Variants in SCFD2 observed in about 807,000 individuals in gnomAD.
SCFD2 encodes the protein sec1 family domain-containing protein 2.
SCFD2 carries 54 observed loss-of-function variants against 58.9 expected under a neutral mutation model. That is an observed-to-expected ratio of 0.92 (90% CI 0.74 to 1.15). The LOEUF (loss-of-function observed/expected upper bound fraction) is 1.15. Ranked by LOEUF, SCFD2 falls within the 50% of genes most tolerant of loss-of-function variation. The pLI, the probability that SCFD2 is intolerant of heterozygous loss-of-function variation, is 0.00. For missense variants in SCFD2, 805 were observed against 836.6 expected (o/e 0.96, Z 0.47); for synonymous variants, 321 against 335.9 (o/e 0.96, Z 0.49).
chr4:52,920,590 C>A (rs1577828383), intron 6 of SCFD2, 135 bp downstream of exon 6: 1 of 537,084 alleles, frequency 1.9e-6, no homozygotes, highest in East Asian at 3.3e-5. Context: ...AAACTCTGAA[C>A]TAAAAGAGAA....
intron 3 of SCFD2, among the ~76,000 whole-genome samples, chr4:53,307,580 T>TG (rs1732556384): frequency 6.6e-6 from 1 of 152,230 alleles, no homozygotes; most frequent in Admixed American, 6.5e-5. Context: ...ACAGAATTGT[T>TG]AAGTGGGTAA....
At chr4:53,054,107 G>A (rs1723257645) in intron 5 of SCFD2, among the ~76,000 whole-genome samples, 1 of 151,780 alleles carries the variant, frequency 6.6e-6, no homozygotes, top group Non-Finnish European at 1.5e-5. Context: ...ACCTTTTCCG[G>A]CCTCTGATAA....
chr4:52,973,704 G>A (rs1207315402), intron 5 of SCFD2, among the ~76,000 whole-genome samples: 3 of 152,174 alleles, frequency 2.0e-5, no homozygotes, highest in Non-Finnish European at 4.4e-5. Context: ...AAGCCTGGCA[G>A]AGACACAACA....
chr4:53,268,581 G>A (rs1476323459), intron 4 of SCFD2, among the ~76,000 whole-genome samples: 1 of 152,166 alleles, frequency 6.6e-6, no homozygotes, highest in Admixed American at 6.5e-5. Context: ...AAGTGTCAGA[G>A]CCTGCAGAAT....
At chr4:52,883,858 T>C (rs1718674330) in intron 8 of SCFD2, among the ~76,000 whole-genome samples, 1 of 152,160 alleles carries the variant, frequency 6.6e-6, no homozygotes. Context: ...TAACAGGTGA[T>C]AGTAACAGAA....
At chr4:52,904,322 T>C (rs1281126132) in intron 7 of SCFD2, among the ~76,000 whole-genome samples, 1 of 152,168 alleles carries the variant, frequency 6.6e-6, no homozygotes, top group African/African-American at 2.4e-5. Context: ...GGCTTTGCCT[T>C]TTTGTGTCTT....
intron 5 of SCFD2, among the ~76,000 whole-genome samples, chr4:53,096,527 T>C (rs1724640782): frequency 6.6e-6 from 1 of 152,192 alleles, no homozygotes; most frequent in Admixed American, 6.5e-5. Flanking sequence ...TTTTGAGAAG[T>C]GTCTGTTCAT....
intron 4 of SCFD2, among the ~76,000 whole-genome samples, chr4:53,222,997 C>A (rs1409088541): frequency 1.3e-5 from 2 of 152,150 alleles, no homozygotes; most frequent in Admixed American, 6.5e-5. Context: ...AGATGTGGAA[C>A]CCATATGGCA....
chr4:53,035,773 G>T (rs565433353), intron 5 of SCFD2, among the ~76,000 whole-genome samples: 7 of 152,292 alleles, frequency 4.6e-5, no homozygotes, highest in African/African-American at 1.7e-4. Context: ...AAACCACAAT[G>T]AGATACCATC....
At chr4:53,009,754 ACC>A (rs1722055845) in intron 5 of SCFD2, among the ~76,000 whole-genome samples, 1 of 151,538 alleles carries the variant, frequency 6.6e-6, no homozygotes, top group South Asian at 2.1e-4. Flanking sequence ...TCCCACTATC[ACC>A]CCCTGCTTCC....
At chr4:53,041,693 T>C (rs1226151807) in intron 5 of SCFD2, among the ~76,000 whole-genome samples, 2 of 152,176 alleles carry the variant, frequency 1.3e-5, no homozygotes, top group Non-Finnish European at 2.9e-5. Flanking sequence ...TACATGTGGT[T>C]TAAGGATGGT....
At chr4:53,278,871 C>T (rs2035375) in intron 3 of SCFD2, among the ~76,000 whole-genome samples, 24,918 of 145,804 alleles carry the variant, frequency 0.17, 2,679 homozygotes, top group Non-Finnish European at 0.25. Flanking sequence ...AAAAGTAATT[C>T]ACACAGATGC....
At chr4:53,079,985 A>T (rs1354308798) in intron 5 of SCFD2, among the ~76,000 whole-genome samples, 1 of 152,228 alleles carries the variant, frequency 6.6e-6, no homozygotes, top group Non-Finnish European at 1.5e-5. Flanking sequence ...CTATGGGAAT[A>T]GTTACGTATT....
chr4:53,054,656 T>C (rs757077131), intron 5 of SCFD2, among the ~76,000 whole-genome samples: 13 of 151,372 alleles, frequency 8.6e-5, no homozygotes, highest in Non-Finnish European at 1.8e-4. Context: ...TTTTTTTTTG[T>C]TTGTTTTTGT....
At chr4:53,254,836 TTTTATTTTATTTTATTTTA>T (rs1730541037) in intron 4 of SCFD2, among the ~76,000 whole-genome samples, 1 of 137,456 alleles carries the variant, frequency 7.3e-6, no homozygotes, top group Non-Finnish European at 1.5e-5. Context: ...TTTTATTTTA[TTTTATTTTATTTTATTTTA>T]TTTTATTTAT....
chr4:53,262,163 C>T (rs1211985533), intron 4 of SCFD2, among the ~76,000 whole-genome samples: 1 of 152,122 alleles, frequency 6.6e-6, no homozygotes, highest in Non-Finnish European at 1.5e-5. Flanking sequence ...AGATGAGTCT[C>T]CTGAAGACAG....
At chr4:53,343,647 C>A (rs1404113438) in intron 2 of SCFD2, among the ~76,000 whole-genome samples, 3 of 152,030 alleles carry the variant, frequency 2.0e-5, no homozygotes, top group Non-Finnish European at 4.4e-5. Context: ...ATAGACACAA[C>A]CAAAAAAGAG....
At chr4:53,302,012 A>G (rs907458050) in intron 3 of SCFD2, among the ~76,000 whole-genome samples, 2 of 152,148 alleles carry the variant, frequency 1.3e-5, no homozygotes, top group African/African-American at 4.8e-5. Flanking sequence ...ATAGGCAAAA[A>G]CTGGAAGCAT....
chr4:53,094,472 G>C (rs1724561322), intron 5 of SCFD2, among the ~76,000 whole-genome samples: 1 of 151,868 alleles, frequency 6.6e-6, no homozygotes, highest in Non-Finnish European at 1.5e-5. Flanking sequence ...CAATCTCATT[G>C]GATTATCGCC....
Sources: allele counts gnomAD v4.1 joint callset (sites outside exome capture counted in the v4.1 genomes callset), GRCh38; gene constraint gnomAD v4.1.1; transcripts MANE v1.5; gene names NCBI Gene and HGNC (gene_info 2026-07-23, HGNC 2026-07-21).